The following CDH9 variants were observed in gnomAD, a reference collection of about 807,000 sequenced individuals.
CDH9 encodes the protein cadherin 9.
CDH9 carries 28 observed loss-of-function variants against 70.9 expected under a neutral mutation model. That is an observed-to-expected ratio of 0.40 (90% CI 0.29 to 0.54). The LOEUF (loss-of-function observed/expected upper bound fraction) is 0.54, where lower values mean the gene tolerates loss of function less well. Ranked by LOEUF, CDH9 falls within the 20% of genes least tolerant of loss-of-function variation. The probability of loss-of-function intolerance (pLI) is 0.59; values close to 1 mark genes in which losing one functional copy is unlikely to be tolerated. For synonymous variants in CDH9, 409 were observed against 343.1 expected (o/e 1.19, Z -2.12); for missense variants, 874 against 984.4 (o/e 0.89, Z 1.50).
intron 7 of CDH9, 148 bp downstream of exon 7, chr5:26,902,328 C>A (rs757869018): frequency 2.0e-4 from 119 of 603,716 alleles, no homozygotes; most frequent in Non-Finnish European, 3.4e-4. Flanking sequence ...ATTGTGCAAC[C>A]ATTTTTTCAC....
chr5:26,990,398 A>T (rs1340546542), intron 1 of CDH9, among the ~76,000 whole-genome samples: 1 of 152,178 alleles, frequency 6.6e-6, no homozygotes, highest in Non-Finnish European at 1.5e-5. Flanking sequence ...GCTGCTCTTA[A>T]TACATATATA....
intron 2 of CDH9, among the ~76,000 whole-genome samples, chr5:26,942,098 GC>G (rs1228442533): frequency 6.6e-6 from 1 of 152,188 alleles, no homozygotes. Context: ...TCACAGTTCA[GC>G]AAGGCTAGGG....
At chr5:27,025,659 T>C (rs1368332785) in intron 1 of CDH9, among the ~76,000 whole-genome samples, 2 of 151,988 alleles carry the variant, frequency 1.3e-5, no homozygotes, top group Non-Finnish European at 2.9e-5. Context: ...TTTTGGAAAC[T>C]GTACTTAAAG....
intron 3 of CDH9, among the ~76,000 whole-genome samples, chr5:26,909,236 G>A (rs1002683353): frequency 1.3e-5 from 2 of 151,998 alleles, no homozygotes; most frequent in Admixed American, 1.3e-4. Flanking sequence ...GCCCGCCTTG[G>A]CCTCCCAAAG....
intron 1 of CDH9, among the ~76,000 whole-genome samples, chr5:26,989,151 C>G (rs1016340886): frequency 6.6e-6 from 1 of 151,850 alleles, no homozygotes; most frequent in Non-Finnish European, 1.5e-5. Flanking sequence ...ACACATGTTA[C>G]GTATAGGATA....
chr5:26,912,554 G>C (rs1466318945), intron 3 of CDH9, among the ~76,000 whole-genome samples: 1 of 150,738 alleles, frequency 6.6e-6, no homozygotes, highest in Non-Finnish European at 1.5e-5. Flanking sequence ...TAAAATGCAG[G>C]GGTTTTATCC....
chr5:26,906,194 C>G (rs953590005), intron 4 of CDH9, 68 bp from the exon 5 acceptor site: 4 of 1,341,966 alleles, frequency 3.0e-6, no homozygotes, highest in Non-Finnish European at 3.1e-6. Context: ...CTAGACAAGA[C>G]TCATTTTACA....
intron 7 of CDH9, among the ~76,000 whole-genome samples, chr5:26,899,505 A>T (rs1234917667): frequency 2.0e-5 from 3 of 152,182 alleles, no homozygotes; most frequent in Non-Finnish European, 4.4e-5. Context: ...TTGCCGGGAC[A>T]TGGATGAAGC....
At chr5:26,951,490 A>T (rs1480868039) in intron 2 of CDH9, among the ~76,000 whole-genome samples, 1 of 152,012 alleles carries the variant, frequency 6.6e-6, no homozygotes, top group East Asian at 1.9e-4. Context: ...TTAATTTGGC[A>T]TACTCCCTGG....
chr5:26,982,935 T>C (rs1391464245), intron 2 of CDH9, among the ~76,000 whole-genome samples: 1 of 152,074 alleles, frequency 6.6e-6, no homozygotes, highest in Non-Finnish European at 1.5e-5. Flanking sequence ...TTTACCCGCC[T>C]CCGCCTCCCA....
chr5:26,906,189 C>G, intron 4 of CDH9, 63 bp from the exon 5 acceptor site: 1 of 1,400,274 alleles, frequency 7.1e-7, no homozygotes, highest in Non-Finnish European at 9.9e-7. Context: ...TTAAGCTAGA[C>G]AAGACTCATT....
At position 26,906,082 on chromosome 5, in the gene CDH9, C is replaced by G. The variant is rs1326476376; in HGVS notation, c.688G>C (p.Glu230Gln). 1.9e-6 allele frequency: 3 copies of G among 1,613,734 alleles called. No individual in the cohort carries two copies. The highest frequency in any genetic ancestry group is 2.5e-6 in the Non-Finnish European group (3 of 1,179,728). ...ALPDMSRENR[E>Q]QYQVVIQAKD... is the part of the protein sequence containing the mutation. ...GCCTGTATAACAACCTGGTACTGCTCTCTATTTTCTCTGCTCATGTCTGGT... is the reference window on the plus strand; with the variant it reads ...GCCTGTATAACAACCTGGTACTGCTGTCTATTTTCTCTGCTCATGTCTGGT... The change falls in exon 5 of 12, where the codon GAG becomes CAG. Residue 230 changes from glutamate (E) to glutamine (Q), a missense_variant. Physicochemically the swap from Glu to Gln is conservative, Grantham distance 29 (BLOSUM62 2). Transcript: ENST00000231021.
chr5:27,020,165 C>T lies in CDH9; in HGVS notation c.-50+18298G>A, dbSNP rs868714401. On this transcript the variant is annotated intron_variant, in intron 1 of 11. Coordinates refer to ENST00000231021, the MANE Select transcript of CDH9 (RefSeq NM_016279.4). ...AAAACTTAATTATCTGAATTGCCTA[C>T]TATGTTATTTTGAGTACAAATAATG... 2.0e-5 allele frequency among the ~76,000 whole-genome samples: 3 copies of T among 151,566 alleles called. No individual in the cohort carries two copies. The South Asian group carries it at 6.2e-4, about 31-fold the overall frequency.
chr5:26,972,245 C>T (rs1434499523), intron 2 of CDH9, among the ~76,000 whole-genome samples: 4 of 152,102 alleles, frequency 2.6e-5, no homozygotes, highest in African/African-American at 9.7e-5. Context: ...CAACTGGAAA[C>T]ATTGAAAGAT....
At chr5:27,003,100 G>A (rs1742800059) in intron 1 of CDH9, among the ~76,000 whole-genome samples, 1 of 152,010 alleles carries the variant, frequency 6.6e-6, no homozygotes, top group Admixed American at 6.6e-5. Flanking sequence ...TTATTCTTAT[G>A]AGTTGAGCAT....
At chr5:26,956,341 CTTT>C (rs879311496) in intron 2 of CDH9, among the ~76,000 whole-genome samples, 1 of 151,996 alleles carries the variant, frequency 6.6e-6, no homozygotes, top group Non-Finnish European at 1.5e-5. Flanking sequence ...CATTAAACCT[CTTT>C]TTTTTCTTTT....
At chr5:27,029,587 C>T (rs762937770) in intron 1 of CDH9, among the ~76,000 whole-genome samples, 2 of 151,948 alleles carry the variant, frequency 1.3e-5, no homozygotes, top group Non-Finnish European at 2.9e-5. Context: ...GGTGCAGCCT[C>T]ATCACAGCAC....
intron 9 of CDH9, 36 bp from the exon 10 acceptor site, chr5:26,886,119 T>C: frequency 6.4e-7 from 1 of 1,562,974 alleles, no homozygotes; most frequent in Non-Finnish European, 8.6e-7. Flanking sequence ...TAATTAAGCC[T>C]AAGGCAATGT....
chr5:26,921,452 A>T (rs935498745), intron 2 of CDH9, among the ~76,000 whole-genome samples: 3 of 152,166 alleles, frequency 2.0e-5, no homozygotes, highest in Admixed American at 2.0e-4. Context: ...CCACACATGC[A>T]CACCAAGTAA....
Sources: allele counts gnomAD v4.1 joint callset (sites outside exome capture counted in the v4.1 genomes callset), GRCh38; gene constraint gnomAD v4.1.1; transcripts MANE v1.5; gene names NCBI Gene and HGNC (gene_info 2026-07-23, HGNC 2026-07-21).